The following ZC3H12B variants were observed in gnomAD, a reference collection of about 807,000 sequenced individuals.
ZC3H12B encodes probable ribonuclease ZC3H12B.
In ZC3H12B, 7 loss-of-function variants were observed where a neutral mutation model predicts 43.9. The ratio of observed to expected loss-of-function variants is 0.16; its 90% CI spans 0.09 to 0.30. The LOEUF (loss-of-function observed/expected upper bound fraction) is 0.30, where lower values mean the gene tolerates loss of function less well. Ranked by LOEUF, ZC3H12B falls within the 10% of genes least tolerant of loss-of-function variation. The pLI is 1.00. For synonymous variants in ZC3H12B, 222 were observed against 241.7 expected, an observed-to-expected ratio of 0.92 and a Z score of 0.76; for missense variants, 475 against 670.2, an observed-to-expected ratio of 0.71 and a Z score of 3.22.
chrX:65,178,267 A>G, the ZC3H12B span, among the ~76,000 whole-genome samples: 1 of 112,362 alleles, frequency 8.9e-6, no homozygotes, highest in East Asian at 2.8e-4. Context: ...TTAACTCAAG[A>G]TGGATTAAAG....
chrX:65,330,844 G>T, the ZC3H12B span: 409 of 197,599 alleles, frequency 2.1e-3, 3 homozygotes, highest in African/African-American at 0.012. Flanking sequence ...TTCCAAAAAT[G>T]CTGCAGAATC....
the ZC3H12B span, among the ~76,000 whole-genome samples, chrX:65,259,012 A>G: frequency 8.9e-6 from 1 of 112,061 alleles, no homozygotes; most frequent in Admixed American, 9.5e-5. Flanking sequence ...TTACAGATTC[A>G]ATGTTATTCC....
the ZC3H12B span, among the ~76,000 whole-genome samples, chrX:65,327,029 T>A: frequency 9.0e-6 from 1 of 111,320 alleles, no homozygotes; most frequent in Non-Finnish European, 1.9e-5. Flanking sequence ...TTGGGAGAAA[T>A]ATAAATTAGT....
At chrX:65,353,499 G>A in the ZC3H12B span, among the ~76,000 whole-genome samples, 4 of 112,081 alleles carry the variant, frequency 3.6e-5, no homozygotes, top group Non-Finnish European at 7.5e-5. Flanking sequence ...AGATAGCAAG[G>A]CTCTTGCACC....
At chrX:65,113,746 A>G in the ZC3H12B span, among the ~76,000 whole-genome samples, 1 of 108,896 alleles carries the variant, frequency 9.2e-6, no homozygotes, top group African/African-American at 3.3e-5. Flanking sequence ...ACCTCCCACT[A>G]GCAAAAACAT....
chrX:65,368,415 A>G (rs971802565), intron 1 of ZC3H12B, among the ~76,000 whole-genome samples: 6 of 112,071 alleles, frequency 5.4e-5, no homozygotes, highest in Non-Finnish European at 1.1e-4. Context: ...ATATATATAA[A>G]AACATTTTGC....
chrX:65,068,599 A>T, the ZC3H12B span, among the ~76,000 whole-genome samples: 1 of 111,738 alleles, frequency 8.9e-6, no homozygotes, highest in Admixed American at 9.5e-5. Flanking sequence ...TGTTGGAGTT[A>T]TTATTTTCGA....
chrX:65,225,715 C>G, the ZC3H12B span, among the ~76,000 whole-genome samples: 1 of 111,988 alleles, frequency 8.9e-6, no homozygotes, highest in Non-Finnish European at 1.9e-5. Flanking sequence ...GGCTCGAGAA[C>G]TACATGAAGA....
At chrX:65,257,912 C>T in the ZC3H12B span, among the ~76,000 whole-genome samples, 1 of 110,808 alleles carries the variant, frequency 9.0e-6, no homozygotes, top group South Asian at 3.9e-4. Context: ...CTGGAAGAAG[C>T]CCAAGAGCAG....
the ZC3H12B span, among the ~76,000 whole-genome samples, chrX:65,051,479 A>T: frequency 5.4e-5 from 6 of 111,006 alleles, no homozygotes; most frequent in African/African-American, 1.6e-4. Context: ...AAATATGGAT[A>T]TGCTGTATTC....
chrX:65,227,771 T>C, the ZC3H12B span, among the ~76,000 whole-genome samples: 1 of 110,854 alleles, frequency 9.0e-6, no homozygotes, highest in African/African-American at 3.3e-5. Flanking sequence ...GCAAATAAAC[T>C]AGAAAATCTA....
rs2068085806 is a variant in ZC3H12B at position 65,483,310 on chromosome X, G to A, written n.408-5336G>A. On this transcript the variant is annotated intron_variant and non_coding_transcript_variant, in intron 3 of 5. Transcript: ENST00000617377. Reference sequence around the variant, plus strand: ...AGCACACAAACAGATGGGTATAGTTGGAGGTTAAGAAACAATCTTTACCTC... The same window carrying A: ...AGCACACAAACAGATGGGTATAGTTAGAGGTTAAGAAACAATCTTTACCTC... Among the ~76,000 whole-genome samples, 7 of 111,437 alleles carry A rather than the reference G, an allele frequency of 6.3e-5. No homozygotes were observed. In the South Asian group the frequency reaches 2.6e-3, roughly 42 times the overall value.
At chrX:65,468,897 C>T (rs187788987) in intron 3 of ZC3H12B, among the ~76,000 whole-genome samples, 24 of 109,074 alleles carry the variant, frequency 2.2e-4, no homozygotes, top group Admixed American at 6.9e-4. Flanking sequence ...TTTTTAACAA[C>T]ATCCTAAAAC....
At chrX:65,224,529 A>T in the ZC3H12B span, among the ~76,000 whole-genome samples, 11 of 112,693 alleles carry the variant, frequency 9.8e-5, no homozygotes, top group Non-Finnish European at 2.1e-4. Flanking sequence ...GGCGCAGGAC[A>T]GTGGGTGCAG....
chrX:65,376,425 A>G (rs2066347144), intron 2 of ZC3H12B, among the ~76,000 whole-genome samples: 1 of 111,285 alleles, frequency 9.0e-6, no homozygotes, highest in South Asian at 3.7e-4. Context: ...CTTGAGTGAA[A>G]ATAGGTGGTA....
chrX:65,130,987 TAA>T, the ZC3H12B span, among the ~76,000 whole-genome samples: 21 of 112,171 alleles, frequency 1.9e-4, no homozygotes, highest in African/African-American at 6.2e-4. Flanking sequence ...GAGCTTTTAT[TAA>T]AGAGGCATTA....
the ZC3H12B span, among the ~76,000 whole-genome samples, chrX:65,243,716 A>G: frequency 8.9e-6 from 1 of 112,630 alleles, no homozygotes; most frequent in East Asian, 2.8e-4. Context: ...TACGGAATCA[A>G]CCTAAGTGTC....
chrX:65,341,590 A>T, the ZC3H12B span, among the ~76,000 whole-genome samples: 2 of 111,627 alleles, frequency 1.8e-5, no homozygotes, highest in African/African-American at 6.5e-5. Flanking sequence ...TCATCCAAGA[A>T]TTTCATGTCT....
the ZC3H12B span, among the ~76,000 whole-genome samples, chrX:65,071,291 T>G: frequency 3.9e-5 from 3 of 75,965 alleles, no homozygotes; most frequent in African/African-American, 5.0e-4. Flanking sequence ...TTTTTTCAGT[T>G]TTTTTTTTTT....
Sources: allele counts gnomAD v4.1 joint callset (sites outside exome capture counted in the v4.1 genomes callset), GRCh38; gene constraint gnomAD v4.1.1; transcripts MANE v1.5; gene names NCBI Gene and HGNC (gene_info 2026-07-23, HGNC 2026-07-21).